The following CCDC57 variants were observed in gnomAD, a reference collection of about 807,000 sequenced individuals.
CCDC57 encodes the protein coiled-coil domain containing 57, also known as coiled-coil domain-containing protein 57.
A neutral mutation model predicts 118.9 loss-of-function variants in CCDC57; 118 were observed. The observed-to-expected ratio is 0.99, with a 90% confidence interval of 0.86 to 1.16. The LOEUF (loss-of-function observed/expected upper bound fraction) is 1.16, where lower values mean the gene tolerates loss of function less well. CCDC57 is among the 50% of genes most tolerant of loss of function. The pLI is 0.00. For synonymous variants in CCDC57, 527 were observed against 532.9 expected (o/e 0.99, Z 0.15); for missense variants, 1,300 against 1,320.7 (o/e 0.98, Z 0.24).
intron 14 of CCDC57, 81 bp downstream of exon 13, chr17:82,163,119 C>A: frequency 6.5e-7 from 1 of 1,542,210 alleles, no homozygotes; most frequent in South Asian, 1.2e-5. Flanking sequence ...GGGGTCGCAC[C>A]GGGCAGCCGC....
In CCDC57 at chr17:82,101,912, G is replaced by A. The variant is rs756047806; in HGVS notation, c.2900-46C>T. The A allele has an allele frequency of 4.0e-6, 6 of 1,497,086 alleles. No homozygotes were observed. The Admixed American group carries it at 1.4e-4, about 35-fold the overall frequency. The allele number at this position is 1,497,086 out of a possible 1,614,324, so 92.7% of individuals were successfully genotyped here. On this transcript the variant is annotated intron_variant, in intron 19 of 19. Coordinates refer to ENST00000665763, the Ensembl canonical transcript of CCDC57. ...AACAGCATGCATCAGGATGGCAGGG[G>A]GAGCAGGAGGCTGTGCTCACAGGCA...
At position 82,193,837 on chromosome 17, in the gene CCDC57, A is replaced by C. The variant is rs763905839; in HGVS notation, c.777-7T>G. 1.9e-5 allele frequency: 30 copies of C among 1,588,174 alleles called. No homozygotes were observed. The highest frequency in any genetic ancestry group is 2.6e-5 in the Non-Finnish European group (30 of 1,166,110). On this transcript the variant is annotated splice_polypyrimidine_tract_variant and splice_region_variant and intron_variant, in intron 6 of 19. Coordinates refer to ENST00000665763, the Ensembl canonical transcript of CCDC57. ...ATCCTCTAAATCCTTTACCCTGAAA[A>C]GAAACAAATATTTATGGAAGGAGCA...
intron 16 of CCDC57, among the ~76,000 whole-genome samples, chr17:82,144,405 G>A (rs1231871331): frequency 6.6e-6 from 1 of 152,156 alleles, no homozygotes; most frequent in Non-Finnish European, 1.5e-5. Context: ...TACATAGCAT[G>A]TACTCCCCAC....
chr17:82,127,621 A>G lies in CCDC57; in HGVS notation c.2899+71T>C, dbSNP rs2037664175. ...GGCACGCAGGGTGCTGACTCTCCAC[A>G]TGCCCCTCGGAGAGGGTGGCCCTCG... is the stretch of plus-strand genomic sequence containing the variant. On this transcript the variant is annotated intron_variant, in intron 19 of 19. Transcript: ENST00000665763. 19 of 1,510,874 alleles carry G rather than the reference A, an allele frequency of 1.3e-5. No homozygotes were observed. The South Asian group carries it at 2.3e-4, about 18-fold the overall frequency. The allele number at this position is 1,510,874 out of a possible 1,614,324, so 93.6% of individuals were successfully genotyped here.
At chr17:82,202,578 C>T (rs1261075119) in intron 2 of CCDC57, among the ~76,000 whole-genome samples, 1 of 151,744 alleles carries the variant, frequency 6.6e-6, no homozygotes, top group Non-Finnish European at 1.5e-5. Flanking sequence ...GGTGAAACCC[C>T]GTCTCTACTA....
chr17:82,205,265 C>G (rs925067968), intron 2 of CCDC57, among the ~76,000 whole-genome samples: 2 of 152,200 alleles, frequency 1.3e-5, no homozygotes, highest in Non-Finnish European at 2.9e-5. Flanking sequence ...GCGAGGTCTA[C>G]GGGCCTCTTC....
chr17:82,136,608 G>T (rs1020082525), intron 16 of CCDC57, among the ~76,000 whole-genome samples: 13 of 146,506 alleles, frequency 8.9e-5, no homozygotes, highest in African/African-American at 2.8e-4. Context: ...AAGAAAACTA[G>T]TTTTTTTGAG....
chr17:82,153,354 T>G (rs1598969486), intron 15 of CCDC57: 1 of 152,318 alleles, frequency 6.6e-6, no homozygotes, highest in Non-Finnish European at 1.5e-5. Context: ...GAAAACAGAT[T>G]TTGCAAACCT....
chr17:82,152,953 G>A (rs900857267), intron 15 of CCDC57, among the ~76,000 whole-genome samples: 1 of 152,228 alleles, frequency 6.6e-6, no homozygotes, highest in East Asian at 1.9e-4. Context: ...CTCTTGGACA[G>A]AGAAAGTTCT....
chr17:82,114,141 C>T (rs1255706496), intron 19 of CCDC57, among the ~76,000 whole-genome samples: 3 of 152,310 alleles, frequency 2.0e-5, no homozygotes, highest in Middle Eastern at 3.4e-3. Context: ...ACGTTCCCTG[C>T]GCGTTTACAG....
chr17:82,168,766 C>T (rs573378705), intron 13 of CCDC57, among the ~76,000 whole-genome samples: 22 of 146,202 alleles, frequency 1.5e-4, no homozygotes, highest in Non-Finnish European at 7.5e-5. Context: ...AGGAAGATTA[C>T]GTAACAATAT....
chr17:82,149,478 G>A (rs7503095), intron 16 of CCDC57, among the ~76,000 whole-genome samples: 71,078 of 151,890 alleles, frequency 0.47, 17,438 homozygotes, highest in East Asian at 0.88. Context: ...TTTACCTGGA[G>A]AAGTCTGCGG....
chr17:82,131,107 C>G (rs1434525413), intron 17 of CCDC57, among the ~76,000 whole-genome samples: 1 of 151,092 alleles, frequency 6.6e-6, no homozygotes, highest in Non-Finnish European at 1.5e-5. Context: ...GCCACTGGGC[C>G]CAAATACTGG....
chr17:82,175,701 C>T (rs2045382939), intron 11 of CCDC57: 1 of 152,206 alleles, frequency 6.6e-6, no homozygotes, highest in Non-Finnish European at 1.5e-5. Flanking sequence ...CTGACCACCT[C>T]GGAACACGTC....
At chr17:82,124,797 A>C (rs993879850) in intron 19 of CCDC57, among the ~76,000 whole-genome samples, 3 of 152,060 alleles carry the variant, frequency 2.0e-5, no homozygotes, top group Non-Finnish European at 4.4e-5. Context: ...CACTGTCTCT[A>C]AAAAGAGAAA....
intron 17 of CCDC57, among the ~76,000 whole-genome samples, chr17:82,133,739 T>TG (rs2038768924): frequency 6.6e-6 from 1 of 151,808 alleles, no homozygotes; most frequent in Non-Finnish European, 1.5e-5. Flanking sequence ...TGCATGCCTG[T>TG]AATCCCAGCA....
Position 82,162,023 on chromosome 17 carries a change from G to C in CCDC57, c.2040+1177C>G, listed in dbSNP as rs183780104. Among the ~76,000 whole-genome samples, 290 of 151,970 alleles carry C rather than the reference G, an allele frequency of 1.9e-3. 1 individual carries two copies. The highest frequency in any genetic ancestry group is 6.8e-3 in the African/African-American group (281 of 41,452). On this transcript the variant is annotated intron_variant, in intron 14 of 19. Coordinates refer to ENST00000665763, the Ensembl canonical transcript of CCDC57. Reference sequence around the variant, plus strand: ...TTAAAAAAATTTTTTTTTTGAGATGGAGTTTCGCTCCTGTTGCCCAAGCTA... The same window carrying C: ...TTAAAAAAATTTTTTTTTTGAGATGCAGTTTCGCTCCTGTTGCCCAAGCTA...
In CCDC57 at chr17:82,194,921, C is replaced by T. The variant is rs533941672; in HGVS notation, c.618+342G>A. 3.9e-5 allele frequency among the ~76,000 whole-genome samples: 6 copies of T among 152,356 alleles called. No homozygotes were observed. The South Asian group carries it at 8.3e-4, about 21-fold the overall frequency. Reference sequence around the variant, plus strand: ...GCCTGCTGACATGAGGACCGGGCTGCGCCCGGCATGGGCAGGCGTCGAGAC... The same window carrying T: ...GCCTGCTGACATGAGGACCGGGCTGTGCCCGGCATGGGCAGGCGTCGAGAC... On this transcript the variant is annotated intron_variant, in intron 5 of 19. Transcript: ENST00000665763.
At chr17:82,115,044 A>G (rs1047507949) in intron 19 of CCDC57, among the ~76,000 whole-genome samples, 5 of 152,192 alleles carry the variant, frequency 3.3e-5, no homozygotes, top group African/African-American at 4.8e-5. Flanking sequence ...CACCCTGTGC[A>G]TGGGCACCTA....
Sources: gnomAD v4.1 joint callset for allele counts (sites outside exome capture counted in the v4.1 genomes callset) on GRCh38, gnomAD v4.1.1 for gene constraint, MANE v1.5 for transcripts, NCBI Gene and HGNC (gene_info 2026-07-23, HGNC 2026-07-21) for gene names.